Variants in HEBP2 observed in about 807,000 individuals in gnomAD.
HEBP2 encodes the protein heme-binding protein 2.
Under a neutral mutation model 23.1 loss-of-function variants are expected in HEBP2, and 27 were observed. That is an observed-to-expected ratio of 1.17 (90% confidence interval 0.86 to 1.61). The LOEUF is 1.61. HEBP2 is among the 40% of genes most tolerant of loss of function. The pLI is 0.00. For missense variants in HEBP2, 245 were observed against 253.8 expected (o/e 0.97, Z 0.24); for synonymous variants, 99 against 95.1 (o/e 1.04, Z -0.24).
chr6:138,413,024 A>C lies in HEBP2; in HGVS notation c.564A>C (p.Arg188Ser). ...GYNSPVKLLN[R>S]NNEVWLIQKN... ...ACAGTCCTGTCAAATTGCTTAATAG[A>C]AATAATGAAGTGTGGTTGATTCAAA... Residue 188 changes from arginine to serine, a missense_variant, in exon 4 of 4, where the codon AGA becomes AGC. By Grantham distance (110) the Arg-to-Ser change is moderately radical. Coordinates refer to ENST00000607197, the MANE Select transcript of HEBP2 (RefSeq NM_014320.3). 6.2e-7 allele frequency: 1 copy of C among 1,614,036 alleles called. No homozygotes were observed. The highest frequency in any genetic ancestry group is 8.5e-7 in the Non-Finnish European group (1 of 1,179,984).
In HEBP2 at chr6:138,418,850, T is replaced by C. The variant is rs568738102; in HGVS notation, c.*5772T>C. ...GAATTTTTTGAGGTACACTGGATCATTCACCTTGTGAGGGAGGACAGGTAA... is the reference window on the plus strand; with the variant it reads ...GAATTTTTTGAGGTACACTGGATCACTCACCTTGTGAGGGAGGACAGGTAA... On this transcript the variant is annotated 3_prime_UTR_variant, in exon 4 of 4. Coordinates refer to ENST00000607197, the MANE Select transcript of HEBP2 (RefSeq NM_014320.3). The C allele has an allele frequency of 6.6e-6, 1 of 152,266 alleles. No homozygotes were observed. The highest frequency in any genetic ancestry group is 2.1e-4 in the South Asian group (1 of 4,820). 9.4% of individuals were successfully genotyped at this position (152,266 alleles called of 1,614,324 possible). A position where few individuals can be genotyped will look rare whatever the true frequency, so the allele number is the denominator to read the frequency against.
intron 3 of HEBP2, among the ~76,000 whole-genome samples, chr6:138,407,709 C>G (rs1235397234): frequency 6.6e-6 from 1 of 152,226 alleles, no homozygotes; most frequent in African/African-American, 2.4e-5. Context: ...CTGCTTGGGT[C>G]ACATACCCAA....
chr6:138,410,750 T>C (rs1009373306), intron 3 of HEBP2, among the ~76,000 whole-genome samples: 5 of 152,196 alleles, frequency 3.3e-5, no homozygotes, highest in African/African-American at 7.2e-5. Context: ...CTTCTCAAAG[T>C]GTTGAGACTA....
At chr6:138,412,011 T>C in intron 3 of HEBP2, 2 of 431,696 alleles carry the variant, frequency 4.6e-6, no homozygotes, top group Non-Finnish European at 9.2e-6. Flanking sequence ...TCTCTTCCAT[T>C]GGATCATAAA....
chr6:138,409,406 A>G (rs898890739), intron 3 of HEBP2, among the ~76,000 whole-genome samples: 3 of 152,188 alleles, frequency 2.0e-5, no homozygotes, highest in African/African-American at 7.2e-5. Context: ...CACCTCAAAA[A>G]TGATTCAGGG....
chr6:138,420,646 C>T lies in HEBP2; in HGVS notation c.*7568C>T, dbSNP rs1056196297. 3.3e-5 allele frequency: 5 copies of T among 152,214 alleles called. No homozygotes were observed. Among genetic ancestry groups the T allele is most frequent in the Middle Eastern group, 3.2e-3 (1 of 316 alleles). The allele number at this position is 152,214 out of a possible 1,614,324, so 9.4% of individuals were successfully genotyped here. ...GAGAGCATGCTTTTCTGAGGGGGCC[C>T]TCTTGCCAAAGACCAAGCAAGGCCA... On this transcript the variant is annotated 3_prime_UTR_variant, in exon 4 of 4. Coordinates refer to ENST00000607197, the MANE Select transcript of HEBP2 (RefSeq NM_014320.3).
rs560465732 is a variant in HEBP2, at chr6:138,416,098, T to G, written c.*3020T>G. 1 of 152,386 alleles carries G rather than the reference T, an allele frequency of 6.6e-6. No individual in the cohort carries two copies. Among genetic ancestry groups the G allele is most frequent in the South Asian group, 2.1e-4 (1 of 4,828 alleles). The allele number at this position is 152,386 out of a possible 1,614,324, so 9.4% of individuals were successfully genotyped here. A position where few individuals can be genotyped will look rare whatever the true frequency, so the allele number is the denominator to read the frequency against. On this transcript the variant is annotated 3_prime_UTR_variant, in exon 4 of 4. Coordinates refer to ENST00000607197, the MANE Select transcript of HEBP2 (RefSeq NM_014320.3). ...AGGAGCCACCTAACCTGGCAGCATG[T>G]ACTGCAGGGGCCAGGGGCGTACTCT... is the stretch of plus-strand genomic sequence containing the variant.
In HEBP2 at chr6:138,415,952, G is replaced by A. The variant is rs2128183103; in HGVS notation, c.*2874G>A. 6.6e-6 allele frequency: 1 copy of A among 152,280 alleles called. No homozygotes were observed. Among genetic ancestry groups the A allele is most frequent in the South Asian group, 2.1e-4 (1 of 4,820 alleles). 9.4% of individuals were successfully genotyped at this position (152,280 alleles called of 1,614,324 possible). Reference sequence around the variant, plus strand: ...AAGGTCTTTCCCCATGAAGCAAAAGGTGTCCCTCAGGACTGGTCCCTCCCC... The same window carrying A: ...AAGGTCTTTCCCCATGAAGCAAAAGATGTCCCTCAGGACTGGTCCCTCCCC... On this transcript the variant is annotated 3_prime_UTR_variant, in exon 4 of 4. Transcript: ENST00000607197.
In HEBP2 at chr6:138,421,051, C is replaced by T. The variant is rs1250479076; in HGVS notation, c.*7973C>T. 6.6e-6 allele frequency: 1 copy of T among 152,142 alleles called. No individual in the cohort carries two copies. Among genetic ancestry groups the T allele is most frequent in the East Asian group, 1.9e-4 (1 of 5,184 alleles). The allele number at this position is 152,142 out of a possible 1,614,324, so 9.4% of individuals were successfully genotyped here. ...AGGCTGGCCGCTGTGGAAGGTAGGT[C>T]AGAGCAGGCAACTGAGAGAAACTGT... On this transcript the variant is annotated 3_prime_UTR_variant, in exon 4 of 4. Coordinates refer to ENST00000607197, the MANE Select transcript of HEBP2 (RefSeq NM_014320.3).
In HEBP2 at chr6:138,419,907, T is replaced by C. The variant is rs1363360751; in HGVS notation, c.*6829T>C. 6.6e-6 allele frequency: 1 copy of C among 152,224 alleles called. No homozygotes were observed. The highest frequency in any genetic ancestry group is 2.1e-4 in the South Asian group (1 of 4,826). The allele number at this position is 152,224 out of a possible 1,614,324, so 9.4% of individuals were successfully genotyped here. On this transcript the variant is annotated 3_prime_UTR_variant, in exon 4 of 4. Coordinates refer to ENST00000607197, the MANE Select transcript of HEBP2 (RefSeq NM_014320.3). ...ATCCCATTGAACTACAGTCTGCTGC[T>C]ACTATGTGGGCACTTTGGACTCTGT...
At chr6:138,404,129 G>C (rs111872368), upstream of HEBP2, 7 of 223,008 alleles carry the variant, frequency 3.1e-5, no homozygotes, top group African/African-American at 1.1e-4. Context: ...CCTACTGCCC[G>C]CGGGGCCACC....
intron 3 of HEBP2, among the ~76,000 whole-genome samples, chr6:138,410,846 G>A (rs1334293030): frequency 6.6e-6 from 1 of 152,180 alleles, no homozygotes; most frequent in African/African-American, 2.4e-5. Context: ...ATGATAGAAT[G>A]GAAGAGTTAT....
intron 3 of HEBP2, 121 bp from the exon 4 acceptor site, chr6:138,412,759 G>T: frequency 1.2e-6 from 1 of 821,752 alleles, no homozygotes; most frequent in Admixed American, 2.4e-5. Context: ...TGGCCGAGAG[G>T]GAGTAACTTT....
chr6:138,404,276 C>G lies in HEBP2; in HGVS notation c.-220C>G, dbSNP rs1472176789. Reference sequence around the variant, plus strand: ...GACGCGCAACTCCGGCCGGAGCTGTCCGGGGTCGTGAGCCGGCCCCGCCTT... The same window carrying G: ...GACGCGCAACTCCGGCCGGAGCTGTGCGGGGTCGTGAGCCGGCCCCGCCTT... On this transcript the variant is annotated 5_prime_UTR_variant, in exon 1 of 4. Coordinates refer to ENST00000607197, the MANE Select transcript of HEBP2 (RefSeq NM_014320.3). 9.1e-6 allele frequency: 3 copies of G among 331,352 alleles called. No individual in the cohort carries two copies. The highest frequency in any genetic ancestry group is 6.5e-5 in the African/African-American group (3 of 46,286). The allele number at this position is 331,352 out of a possible 1,614,324, so 20.5% of individuals were successfully genotyped here. A position where few individuals can be genotyped will look rare whatever the true frequency, so the allele number is the denominator to read the frequency against.
rs551441499 is a variant in HEBP2, at chr6:138,421,219, C to T, written c.*8141C>T. On this transcript the variant is annotated 3_prime_UTR_variant, in exon 4 of 4. Transcript: ENST00000607197. ...TGCTGTGCTCATTTGATGATGGAAT[C>T]AGCATCGCATGCAGGCTGAACCCCT... 2.0e-5 allele frequency: 3 copies of T among 152,300 alleles called. No homozygotes were observed. The highest frequency in any genetic ancestry group is 7.2e-5 in the African/African-American group (3 of 41,566). 9.4% of individuals were successfully genotyped at this position (152,300 alleles called of 1,614,324 possible).
rs1329101500 is a variant in HEBP2 at position 138,422,145 on chromosome 6, TTTATC to T, written c.*9075_*9079del. 3 of 152,242 alleles carry T rather than the reference TTTATC, an allele frequency of 2.0e-5. No homozygotes were observed. The highest frequency in any genetic ancestry group is 6.5e-5 in the Admixed American group (1 of 15,278). 9.4% of individuals were successfully genotyped at this position (152,242 alleles called of 1,614,324 possible). A position where few individuals can be genotyped will look rare whatever the true frequency, so the allele number is the denominator to read the frequency against. On this transcript the variant is annotated 3_prime_UTR_variant, in exon 4 of 4. Transcript: ENST00000607197. ...AGTTTTATAATTAGTGTTATGTTGCTTTATCTTATCTTTGCATAAATTATGTATTA... is the reference window on the plus strand; with the variant it reads ...AGTTTTATAATTAGTGTTATGTTGCTTTATCTTTGCATAAATTATGTATTA...
intron 3 of HEBP2, among the ~76,000 whole-genome samples, chr6:138,411,481 A>G (rs1421945049): frequency 1.3e-5 from 2 of 152,150 alleles, no homozygotes; most frequent in African/African-American, 4.8e-5. Context: ...TCCTGACCTC[A>G]TTTTATGCCT....
upstream of HEBP2, chr6:138,403,668 G>A: frequency 1.9e-5 from 8 of 424,464 alleles, no homozygotes; most frequent in Non-Finnish European, 2.9e-5. Context: ...GGGGAACAGA[G>A]CCGCACCCCA....
rs1204526475 is a variant in HEBP2 at position 138,419,171 on chromosome 6, A to G, written c.*6093A>G. 6.6e-6 allele frequency: 1 copy of G among 152,226 alleles called. No individual in the cohort carries two copies. The highest frequency in any genetic ancestry group is 1.9e-4 in the East Asian group (1 of 5,194). 9.4% of individuals were successfully genotyped at this position (152,226 alleles called of 1,614,324 possible). A position where few individuals can be genotyped will look rare whatever the true frequency, so the allele number is the denominator to read the frequency against. ...GGCAGTGGTGGCAAAGATGGAGGCT[A>G]TGGATGGAACCCACCAACATGGGCT... On this transcript the variant is annotated 3_prime_UTR_variant, in exon 4 of 4. Coordinates refer to ENST00000607197, the MANE Select transcript of HEBP2 (RefSeq NM_014320.3).
Sources: gnomAD v4.1 joint callset for allele counts (sites outside exome capture counted in the v4.1 genomes callset) on GRCh38, gnomAD v4.1.1 for gene constraint, MANE v1.5 for transcripts, NCBI Gene and HGNC (gene_info 2026-07-23, HGNC 2026-07-21) for gene names.